GALNT13: variants seen among roughly 807,000 people sequenced by gnomAD.
The protein encoded by GALNT13 is polypeptide N-acetylgalactosaminyltransferase 13, also known as UDP-GalNAc:polypeptide N-acetylgalactosaminyltransferase 13.
Under a neutral mutation model 64.2 loss-of-function variants are expected in GALNT13, and 28 were observed. That is an observed-to-expected ratio of 0.44 (90% confidence interval 0.32 to 0.60). The LOEUF is 0.60. Ranked by LOEUF, GALNT13 falls within the 20% of genes least tolerant of loss-of-function variation. The pLI, the probability that GALNT13 is intolerant of heterozygous loss-of-function variation, is 0.05. For missense variants in GALNT13, 577 were observed against 669.8 expected, an observed-to-expected ratio of 0.86 and a Z score of 1.53; for synonymous variants, 214 against 224.6, an observed-to-expected ratio of 0.95 and a Z score of 0.42.
the GALNT13 span, among the ~76,000 whole-genome samples, chr2:153,633,556 C>T: frequency 1.3e-5 from 2 of 152,166 alleles, no homozygotes. Flanking sequence ...AATGCCTCCT[C>T]TTTGTTTGCC....
intron 7 of GALNT13, among the ~76,000 whole-genome samples, chr2:154,254,316 CT>C (rs1690252286): frequency 6.6e-6 from 1 of 152,108 alleles, no homozygotes; most frequent in Non-Finnish European, 1.5e-5. Context: ...AATCAAATGG[CT>C]AGATTACTGA....
the GALNT13 span, among the ~76,000 whole-genome samples, chr2:153,263,386 A>G: frequency 6.6e-6 from 1 of 152,206 alleles, no homozygotes; most frequent in Non-Finnish European, 1.5e-5. Flanking sequence ...TAATTTATAG[A>G]TTCAGTGCAA....
the GALNT13 span, among the ~76,000 whole-genome samples, chr2:153,817,938 G>T: frequency 0.3 from 45,417 of 151,974 alleles, 7,342 homozygotes; most frequent in Middle Eastern, 0.42. Context: ...CAGCTAATGT[G>T]CACTGCTCGC....
the GALNT13 span, among the ~76,000 whole-genome samples, chr2:153,152,348 C>T: frequency 6.6e-6 from 1 of 151,964 alleles, no homozygotes; most frequent in Non-Finnish European, 1.5e-5. Flanking sequence ...TTGAACTCAA[C>T]TGATAATATC....
chr2:153,806,071 T>C, the GALNT13 span, among the ~76,000 whole-genome samples: 1,258 of 152,182 alleles, frequency 8.3e-3, 14 homozygotes, highest in African/African-American at 0.029. Flanking sequence ...ATCCCTAGCA[T>C]CTGACATCCA....
At chr2:153,768,957 T>G in the GALNT13 span, among the ~76,000 whole-genome samples, 1 of 152,236 alleles carries the variant, frequency 6.6e-6, no homozygotes, top group South Asian at 2.1e-4. Context: ...TATATATATT[T>G]TTCTATTTTT....
chr2:153,656,092 A>T, the GALNT13 span, among the ~76,000 whole-genome samples: 1 of 152,068 alleles, frequency 6.6e-6, no homozygotes, highest in Non-Finnish European at 1.5e-5. Context: ...TATGAATTAA[A>T]CTCAAAATGT....
intron 11 of GALNT13, among the ~76,000 whole-genome samples, chr2:154,411,026 T>C (rs1699768588): frequency 6.6e-6 from 1 of 151,922 alleles, no homozygotes; most frequent in South Asian, 2.1e-4. Context: ...TCTTGGAACA[T>C]GGTGAGCACC....
At chr2:154,316,219 G>C (rs1694311631) in intron 9 of GALNT13, among the ~76,000 whole-genome samples, 1 of 152,178 alleles carries the variant, frequency 6.6e-6, no homozygotes, top group African/African-American at 2.4e-5. Context: ...ATTGTCATTA[G>C]TAAGTGAGCT....
intron 3 of GALNT13, among the ~76,000 whole-genome samples, chr2:153,992,898 T>C (rs577322229): frequency 6.6e-6 from 1 of 152,282 alleles, no homozygotes; most frequent in South Asian, 2.1e-4. Flanking sequence ...TAAACTAATA[T>C]TCATTTTATT....
intron 3 of GALNT13, among the ~76,000 whole-genome samples, chr2:154,025,307 C>T (rs1374783908): frequency 2.0e-5 from 3 of 152,148 alleles, no homozygotes; most frequent in African/African-American, 7.2e-5. Flanking sequence ...GCCATCTTGG[C>T]TCCTCCCCCC....
chr2:154,321,287 G>A (rs893935673), intron 9 of GALNT13, among the ~76,000 whole-genome samples: 1 of 152,082 alleles, frequency 6.6e-6, no homozygotes, highest in African/African-American at 2.4e-5. Flanking sequence ...TTCACAGGTG[G>A]AGCTTTGGTC....
At chr2:154,077,032 G>A (rs544388091) in intron 3 of GALNT13, among the ~76,000 whole-genome samples, 128 of 151,596 alleles carry the variant, frequency 8.4e-4, no homozygotes, top group African/African-American at 2.4e-3. Context: ...TTCTAAAGGA[G>A]GCCAAATAAT....
At chr2:153,104,626 T>A in the GALNT13 span, among the ~76,000 whole-genome samples, 1 of 152,160 alleles carries the variant, frequency 6.6e-6, no homozygotes, top group Non-Finnish European at 1.5e-5. Flanking sequence ...TTAGTGGCAA[T>A]CAAATGGAAG....
the GALNT13 span, among the ~76,000 whole-genome samples, chr2:153,096,388 G>T: frequency 6.6e-6 from 1 of 152,054 alleles, no homozygotes; most frequent in Non-Finnish European, 1.5e-5. Flanking sequence ...GATTCCTTTG[G>T]TCTATAATGC....
At chr2:153,555,827 A>C in the GALNT13 span, among the ~76,000 whole-genome samples, 2 of 152,204 alleles carry the variant, frequency 1.3e-5, no homozygotes, top group African/African-American at 4.8e-5. Flanking sequence ...AAAGTATTGA[A>C]AGTAAAGGAG....
chr2:154,417,521 A>ATTTTTTTTTTTTTT (rs1238225224), intron 11 of GALNT13, among the ~76,000 whole-genome samples: 1 of 139,052 alleles, frequency 7.2e-6, no homozygotes, highest in African/African-American at 2.8e-5. Flanking sequence ...TTATTTATTT[A>ATTTTTTTTTTTTTT]TTTTTTTGAG....
chr2:154,456,067 C>T (rs1702028390), downstream of GALNT13, among the ~76,000 whole-genome samples: 1 of 151,618 alleles, frequency 6.6e-6, no homozygotes, highest in Admixed American at 6.6e-5. Flanking sequence ...TAAGCTGCTG[C>T]TTGGTTCCAG....
the GALNT13 span, among the ~76,000 whole-genome samples, chr2:153,853,330 C>G: frequency 6.6e-6 from 1 of 152,128 alleles, no homozygotes; most frequent in Non-Finnish European, 1.5e-5. Flanking sequence ...CACCCAGAAA[C>G]AATACTTTGT....
Sources: gnomAD v4.1 joint callset for allele counts (sites outside exome capture counted in the v4.1 genomes callset) on GRCh38, gnomAD v4.1.1 for gene constraint, MANE v1.5 for transcripts, NCBI Gene and HGNC (gene_info 2026-07-23, HGNC 2026-07-21) for gene names.